The following MEI4 variants were observed in gnomAD, a reference collection of about 807,000 sequenced individuals.
MEI4 encodes the protein meiosis-specific protein MEI4.
Under a neutral mutation model 31.4 loss-of-function variants are expected in MEI4, and 27 were observed. The ratio of observed to expected loss-of-function variants is 0.86; its 90% CI spans 0.63 to 1.19. The LOEUF (loss-of-function observed/expected upper bound fraction) is 1.19. MEI4 is among the 50% of genes most tolerant of loss of function. The pLI is 0.00. For synonymous variants in MEI4, 122 were observed against 145.4 expected (o/e 0.84, Z 1.16); for missense variants, 329 against 398.9 (o/e 0.82, Z 1.49).
intron 2 of MEI4, among the ~76,000 whole-genome samples, chr6:77,694,542 T>C (rs560740081): frequency 8.5e-5 from 13 of 152,124 alleles, no homozygotes; most frequent in Non-Finnish European, 1.6e-4. Flanking sequence ...GATAGTTTAC[T>C]GAGAATGATG....
At chr6:77,813,688 G>A (rs1561999333) in intron 3 of MEI4, among the ~76,000 whole-genome samples, 1 of 151,890 alleles carries the variant, frequency 6.6e-6, no homozygotes, top group Non-Finnish European at 1.5e-5. Flanking sequence ...AGACCTAATG[G>A]TGGTTGATTT....
chr6:77,920,811 A>G (rs559636539), intron 4 of MEI4, among the ~76,000 whole-genome samples: 2 of 152,060 alleles, frequency 1.3e-5, no homozygotes, highest in African/African-American at 2.4e-5. Flanking sequence ...TGTGTTGTCA[A>G]TGAGCAGTAA....
intron 4 of MEI4, among the ~76,000 whole-genome samples, chr6:77,888,063 T>C (rs1285993011): frequency 6.6e-6 from 1 of 152,238 alleles, no homozygotes; most frequent in Non-Finnish European, 1.5e-5. Flanking sequence ...AAGTTTATTT[T>C]GTCTGATACA....
At position 77,681,002 on chromosome 6, in the gene MEI4, T is replaced by G. The variant is rs569606421; in HGVS notation, c.-14-9656T>G. Among the ~76,000 whole-genome samples the G allele has an allele frequency of 1.1e-4, 17 of 152,332 alleles. No individual in the cohort carries two copies. The South Asian group carries it at 3.5e-3, about 32-fold the overall frequency. ...TTAGAAAAAAAATCAGTTTCCTAAT[T>G]TGTCATTTACAAAATGACTTTTTTG... is the stretch of plus-strand genomic sequence containing the variant. On this transcript the variant is annotated intron_variant, in intron 1 of 4. Transcript: ENST00000684080.
At chr6:77,734,823 A>T (rs1294339678) in intron 2 of MEI4, among the ~76,000 whole-genome samples, 1 of 151,862 alleles carries the variant, frequency 6.6e-6, no homozygotes, top group Non-Finnish European at 1.5e-5. Flanking sequence ...CTTTTAGGGC[A>T]GGCCTGGTTG....
chr6:77,840,380 A>G (rs937610903), intron 4 of MEI4, among the ~76,000 whole-genome samples: 2 of 152,188 alleles, frequency 1.3e-5, no homozygotes, highest in Non-Finnish European at 2.9e-5. Flanking sequence ...AAGGTATAGC[A>G]TATATACTAT....
intron 4 of MEI4, among the ~76,000 whole-genome samples, chr6:77,839,505 A>G (rs1483685229): frequency 6.6e-6 from 1 of 152,144 alleles, no homozygotes; most frequent in Non-Finnish European, 1.5e-5. Context: ...GACCTGTGTG[A>G]GACAGACTCC....
intron 4 of MEI4, among the ~76,000 whole-genome samples, chr6:77,918,169 A>G (rs1173026378): frequency 3.3e-5 from 5 of 151,736 alleles, no homozygotes; most frequent in Admixed American, 3.3e-4. Flanking sequence ...TGGTTACTGT[A>G]GCCTTGTAGT....
chr6:77,781,912 T>G (rs912566695), intron 3 of MEI4, among the ~76,000 whole-genome samples: 3 of 152,156 alleles, frequency 2.0e-5, no homozygotes, highest in African/African-American at 7.2e-5. Flanking sequence ...AGTCTATAAA[T>G]AAATCTTTGA....
At chr6:77,883,447 C>T (rs1198563201) in intron 4 of MEI4, among the ~76,000 whole-genome samples, 2 of 151,514 alleles carry the variant, frequency 1.3e-5, no homozygotes, top group African/African-American at 4.9e-5. Flanking sequence ...TCTCCAACCC[C>T]ACCCCGCCTC....
intron 4 of MEI4, among the ~76,000 whole-genome samples, chr6:77,846,758 G>A (rs185865793): frequency 2.6e-4 from 39 of 152,236 alleles, no homozygotes; most frequent in Admixed American, 2.0e-3. Flanking sequence ...ATTCTGTACC[G>A]TTAACTATAG....
intron 3 of MEI4, among the ~76,000 whole-genome samples, chr6:77,785,247 T>C (rs1407365143): frequency 1.3e-5 from 2 of 152,172 alleles, no homozygotes; most frequent in Non-Finnish European, 2.9e-5. Flanking sequence ...ATGCAAATAC[T>C]ATTATTTTAC....
chr6:77,659,808 A>G lies in MEI4; in HGVS notation c.-15+6716A>G, dbSNP rs192543799. The stretch of plus-strand genomic sequence containing the variant: ...GTGTAGTTGGGCTTCGGAGATGAAG[A>G]GTAAAGGAACATCGAGAAGGTGAAA... On this transcript the variant is annotated intron_variant, in intron 1 of 4. Transcript: ENST00000684080. 2.3e-3 allele frequency among the ~76,000 whole-genome samples: 346 copies of G among 152,310 alleles called. 1 individual carries two copies. The highest frequency in any genetic ancestry group is 2.9e-3 in the Non-Finnish European group (196 of 68,024).
At chr6:77,896,070 A>G (rs773074162) in intron 4 of MEI4, among the ~76,000 whole-genome samples, 1 of 152,144 alleles carries the variant, frequency 6.6e-6, no homozygotes, top group Admixed American at 6.6e-5. Context: ...AAAGTTTCCT[A>G]TAAGTGGGGT....
chr6:77,909,074 C>G (rs182219143), intron 4 of MEI4, among the ~76,000 whole-genome samples: 1 of 152,208 alleles, frequency 6.6e-6, no homozygotes, highest in African/African-American at 2.4e-5. Flanking sequence ...CACACCACAC[C>G]TATTCCAAAA....
intron 4 of MEI4, among the ~76,000 whole-genome samples, chr6:77,917,500 T>G (rs968939754): frequency 1.3e-5 from 2 of 149,208 alleles, no homozygotes; most frequent in African/African-American, 5.0e-5. Context: ...GTGGTTTTGA[T>G]TTGCATTTCT....
At chr6:77,652,786 G>T (rs1768323258), upstream of MEI4, among the ~76,000 whole-genome samples, 1 of 152,116 alleles carries the variant, frequency 6.6e-6, no homozygotes, top group African/African-American at 2.4e-5. Context: ...TAGCCACAGA[G>T]ATTTCTGCTC....
intron 3 of MEI4, among the ~76,000 whole-genome samples, chr6:77,794,851 G>A (rs1462727780): frequency 3.9e-5 from 6 of 152,072 alleles, no homozygotes; most frequent in Admixed American, 3.9e-4. Context: ...AACAAAAGAA[G>A]TCTTAACTTT....
chr6:77,837,808 C>A (rs1037694069), intron 4 of MEI4, among the ~76,000 whole-genome samples: 2 of 152,064 alleles, frequency 1.3e-5, no homozygotes, highest in African/African-American at 4.8e-5. Context: ...TTTTAAGGAA[C>A]TGTTAATTTT....
Sources: gnomAD v4.1 joint callset for allele counts (sites outside exome capture counted in the v4.1 genomes callset) on GRCh38, gnomAD v4.1.1 for gene constraint, MANE v1.5 for transcripts, NCBI Gene and HGNC (gene_info 2026-07-23, HGNC 2026-07-21) for gene names.